Variants in CFAP251 observed in about 807,000 individuals in gnomAD.
CFAP251 encodes cilia and flagella associated protein 251.
In CFAP251, 93 loss-of-function variants were observed where a neutral mutation model predicts 126.7. The observed-to-expected ratio is 0.73, with a 90% CI of 0.62 to 0.87. The LOEUF is 0.87. CFAP251 is among the 40% of genes least tolerant of loss of function. The pLI is 0.00. For missense variants in CFAP251, 1,287 were observed against 1,389.2 expected, an observed-to-expected ratio of 0.93 and a Z score of 1.17; for synonymous variants, 503 against 506.9, an observed-to-expected ratio of 0.99 and a Z score of 0.10.
chr12:121,923,393 A>C (rs1230676331), intron 2 of CFAP251, among the ~76,000 whole-genome samples: 2 of 151,814 alleles, frequency 1.3e-5, no homozygotes, highest in Admixed American at 6.6e-5. Flanking sequence ...TCCTGGGCTC[A>C]AGTGATCCTC....
chr12:121,920,190 A>G (rs75595821), intron 1 of CFAP251, among the ~76,000 whole-genome samples: 7,487 of 136,462 alleles, frequency 0.055, 400 homozygotes, highest in East Asian at 0.18. Flanking sequence ...GTCTCAAGAG[A>G]AAAAAAAAAA....
intron 5 of CFAP251, among the ~76,000 whole-genome samples, chr12:121,940,309 T>C (rs1376699818): frequency 6.6e-6 from 1 of 152,178 alleles, no homozygotes; most frequent in Non-Finnish European, 1.5e-5. Flanking sequence ...TGAGATACAT[T>C]TTCTCACTAA....
chr12:121,976,511 G>A (rs545662747), intron 19 of CFAP251, among the ~76,000 whole-genome samples: 1 of 152,224 alleles, frequency 6.6e-6, no homozygotes, highest in African/African-American at 2.4e-5. Context: ...GGGTGCAGCC[G>A]TCCCTCATGA....
At chr12:121,960,837 G>A (rs762011800) in intron 14 of CFAP251, 79 bp downstream of exon 14, 475 of 1,502,448 alleles carry the variant, frequency 3.2e-4, no homozygotes, top group Non-Finnish European at 4.1e-4. Context: ...CTTGCATAGA[G>A]CCAGGCCCAC....
At chr12:121,994,901 G>GACCC (rs1882989051) in intron 19 of CFAP251, among the ~76,000 whole-genome samples, 1 of 144,850 alleles carries the variant, frequency 6.9e-6, no homozygotes, top group Non-Finnish European at 1.5e-5. Context: ...CTCCACTATT[G>GACCC]TCCCATGACC....
chr12:121,992,588 C>T (rs993742572), intron 19 of CFAP251: 181 of 800,276 alleles, frequency 2.3e-4, no homozygotes, highest in Non-Finnish European at 2.5e-4. Context: ...TTTTCTTTTT[C>T]AGACAGGGTC....
At position 121,988,563 on chromosome 12, in the gene CFAP251, T is replaced by G. The variant is rs148539318; in HGVS notation, c.3007-11153T>G. Reference sequence around the variant, plus strand: ...GGTTGTAGCTTGTCTCAGTCCTTCATTCTTTTCTTTATGATTGAGTAACAT... The same window carrying G: ...GGTTGTAGCTTGTCTCAGTCCTTCAGTCTTTTCTTTATGATTGAGTAACAT... On this transcript the variant is annotated intron_variant, in intron 19 of 21. Transcript: ENST00000288912. Among the ~76,000 whole-genome samples the G allele has an allele frequency of 4.9e-3, 742 of 152,308 alleles. 9 individuals carry two copies. Among genetic ancestry groups the G allele is most frequent in the African/African-American group, 0.017 (716 of 41,566 alleles).
At chr12:121,970,156 A>G (rs1882285162) in intron 17 of CFAP251, among the ~76,000 whole-genome samples, 2 of 152,220 alleles carry the variant, frequency 1.3e-5, no homozygotes, top group East Asian at 1.9e-4. Flanking sequence ...AACTGCTACC[A>G]TCACAGTCTA....
chr12:121,926,695 A>G (rs952946096), intron 3 of CFAP251, among the ~76,000 whole-genome samples: 9 of 152,166 alleles, frequency 5.9e-5, no homozygotes, highest in Non-Finnish European at 1.3e-4. Context: ...CTGTAATCCC[A>G]GCACTTTGGG....
In CFAP251 at chr12:121,934,235, C is replaced by T. The variant is rs778853284; in HGVS notation, c.889-12C>T. On this transcript the variant is annotated splice_polypyrimidine_tract_variant and intron_variant, in intron 4 of 21. Transcript: ENST00000288912. ...TTGGATGTTTCAAAGCGTTTTCTCT[C>T]CATTTCCATAGGGCCACGCCAATAT... 3 of 1,610,176 alleles carry T rather than the reference C, an allele frequency of 1.9e-6. No homozygotes were observed. The highest frequency in any genetic ancestry group is 3.3e-5 in the Admixed American group (2 of 59,772).
chr12:121,940,373 T>C (rs1324192582), intron 5 of CFAP251, among the ~76,000 whole-genome samples: 2 of 152,210 alleles, frequency 1.3e-5, no homozygotes, highest in African/African-American at 4.8e-5. Context: ...CAGGTGAATT[T>C]CTGGGGCTAC....
At chr12:121,986,233 C>T (rs940663456) in intron 19 of CFAP251, among the ~76,000 whole-genome samples, 4 of 151,954 alleles carry the variant, frequency 2.6e-5, no homozygotes, top group Admixed American at 2.0e-4. Context: ...CTCAGATGAT[C>T]CTCCCACCTT....
intron 1 of CFAP251, among the ~76,000 whole-genome samples, chr12:121,920,292 A>T (rs1416772808): frequency 1.6e-5 from 2 of 122,260 alleles, no homozygotes; most frequent in Admixed American, 1.9e-4. Context: ...CAGTGGCATG[A>T]TCTTGGCTCG....
At chr12:121,984,100 T>C (rs1882690885) in intron 19 of CFAP251, among the ~76,000 whole-genome samples, 1 of 152,168 alleles carries the variant, frequency 6.6e-6, no homozygotes, top group Non-Finnish European at 1.5e-5. Context: ...GACTATACAT[T>C]ATTGATATCT....
intron 5 of CFAP251, among the ~76,000 whole-genome samples, chr12:121,938,887 G>A (rs1461286218): frequency 6.6e-6 from 1 of 151,692 alleles, no homozygotes; most frequent in Non-Finnish European, 1.5e-5. Flanking sequence ...CTACTCAGAA[G>A]GCTGAGACAG....
At chr12:121,959,346 C>A in intron 13 of CFAP251, 1 of 367,802 alleles carries the variant, frequency 2.7e-6, no homozygotes, top group Non-Finnish European at 4.9e-6. Context: ...GAGGCTGAGG[C>A]GGGAGGACCC....
At chr12:121,923,030 C>T (rs1008032146) in intron 2 of CFAP251, among the ~76,000 whole-genome samples, 5 of 151,968 alleles carry the variant, frequency 3.3e-5, no homozygotes, top group East Asian at 1.9e-4. Context: ...CTCCTGACCT[C>T]GTGATCTGCC....
rs569280519 is a variant in CFAP251 at position 121,966,117 on chromosome 12, G to T, written c.2493-838G>T. Among the ~76,000 whole-genome samples the T allele has an allele frequency of 5.1e-5, 7 of 138,408 alleles. 1 individual carries two copies. The highest frequency in any genetic ancestry group is 2.4e-4 in the Admixed American group (3 of 12,344). The allele number at this position is 138,408 out of a possible 152,430, so 90.8% of individuals were successfully genotyped here. ...ACCAGAGTCTTAAAACCTATGTTGAGATTTATGGAATTTTAAAAACTCTTC... is the reference window on the plus strand; with the variant it reads ...ACCAGAGTCTTAAAACCTATGTTGATATTTATGGAATTTTAAAAACTCTTC... On this transcript the variant is annotated intron_variant, in intron 15 of 21. Coordinates refer to ENST00000288912, the MANE Select transcript of CFAP251 (RefSeq NM_144668.6).
intron 7 of CFAP251, chr12:121,948,490 G>A (rs1193832269): frequency 6.6e-6 from 1 of 152,526 alleles, no homozygotes; most frequent in East Asian, 1.9e-4. Context: ...GGGAGGCTGA[G>A]GCAGGTGGAT....
Sources: gnomAD v4.1 joint callset for allele counts (sites outside exome capture counted in the v4.1 genomes callset) on GRCh38, gnomAD v4.1.1 for gene constraint, MANE v1.5 for transcripts, NCBI Gene and HGNC (gene_info 2026-07-23, HGNC 2026-07-21) for gene names.